ZNF407: variants seen among roughly 807,000 people sequenced by gnomAD.
ZNF407 encodes the protein zinc finger protein 407.
A neutral mutation model predicts 131.2 loss-of-function variants in ZNF407; 17 were observed. The ratio of observed to expected loss-of-function variants is 0.13; its 90% CI spans 0.09 to 0.19. The LOEUF is 0.19. Among genes scored for constraint, ZNF407 ranks in the 10% least tolerant of loss-of-function variants. The pLI, the probability that ZNF407 is intolerant of heterozygous loss-of-function variation, is 1.00. For missense variants in ZNF407, 2,681 were observed against 2,830.6 expected, an observed-to-expected ratio of 0.95 and a Z score of 1.20; for synonymous variants, 1,156 against 1,062.0, an observed-to-expected ratio of 1.09 and a Z score of -1.72.
chr18:74,976,885 TC>T (rs1355825506), intron 8 of ZNF407, among the ~76,000 whole-genome samples: 1 of 148,372 alleles, frequency 6.7e-6, no homozygotes, highest in Non-Finnish European at 1.5e-5. Flanking sequence ...TCGAGAATTT[TC>T]CCCTGATCTA....
Position 74,799,383 on chromosome 18 carries a change from C to T in ZNF407, c.4877+17881C>T, listed in dbSNP as rs374664206. Among the ~76,000 whole-genome samples the T allele has an allele frequency of 6.7e-4, 102 of 152,082 alleles. 4 individuals are homozygous for T. The South Asian group carries it at 0.02, about 30-fold the overall frequency. Reference sequence around the variant, plus strand: ...TGAATTAATCTTGCAGTACAGGATCCCTTGAGAGAATTCCTGCCCTTGACA... The same window carrying T: ...TGAATTAATCTTGCAGTACAGGATCTCTTGAGAGAATTCCTGCCCTTGACA... On this transcript the variant is annotated intron_variant, in intron 4 of 8. Transcript: ENST00000299687.
intron 4 of ZNF407, among the ~76,000 whole-genome samples, chr18:74,845,910 A>G (rs1970696338): frequency 1.3e-5 from 2 of 151,710 alleles, no homozygotes; most frequent in Admixed American, 6.6e-5. Flanking sequence ...TTAATATAGG[A>G]AAAAAAAATC....
At chr18:74,746,349 T>C (rs1968668235) in intron 3 of ZNF407, among the ~76,000 whole-genome samples, 1 of 152,146 alleles carries the variant, frequency 6.6e-6, no homozygotes, top group Non-Finnish European at 1.5e-5. Flanking sequence ...TCACTTAGGC[T>C]ACACTAAATT....
chr18:74,752,911 G>T (rs1968840790), intron 3 of ZNF407, among the ~76,000 whole-genome samples: 1 of 152,186 alleles, frequency 6.6e-6, no homozygotes, highest in Non-Finnish European at 1.5e-5. Flanking sequence ...ATTCTGTGAA[G>T]AAAGTCATTG....
At chr18:74,711,192 A>G (rs748664571) in intron 3 of ZNF407, among the ~76,000 whole-genome samples, 10 of 152,098 alleles carry the variant, frequency 6.6e-5, no homozygotes, top group Non-Finnish European at 1.3e-4. Flanking sequence ...TCCAGTTTTA[A>G]TCTTGGTTAT....
chr18:74,606,412 T>C (rs997783256), intron 1 of ZNF407, among the ~76,000 whole-genome samples: 6 of 152,128 alleles, frequency 3.9e-5, no homozygotes, highest in African/African-American at 1.4e-4. Flanking sequence ...TCAAAAAATA[T>C]ATTTTAAATA....
chr18:74,675,728 C>T (rs1340591561), intron 3 of ZNF407, among the ~76,000 whole-genome samples: 5 of 152,074 alleles, frequency 3.3e-5, no homozygotes, highest in Admixed American at 3.3e-4. Flanking sequence ...GCAATTACAC[C>T]ATTATCCTTG....
intron 3 of ZNF407, 146 bp from the exon 4 acceptor site, chr18:74,781,282 T>C: frequency 1.8e-6 from 1 of 558,674 alleles, no homozygotes; most frequent in Non-Finnish European, 3.1e-6. Context: ...TTAATCTGTA[T>C]GCAAGCTTTG....
chr18:74,991,311 G>GC (rs1215423667), intron 8 of ZNF407, among the ~76,000 whole-genome samples: 1 of 152,174 alleles, frequency 6.6e-6, no homozygotes, highest in Non-Finnish European at 1.5e-5. Context: ...TAACAGCAGT[G>GC]CCTTGCAAGA....
chr18:74,791,445 G>A (rs1366453908), intron 4 of ZNF407, among the ~76,000 whole-genome samples: 2 of 152,086 alleles, frequency 1.3e-5, no homozygotes, highest in East Asian at 1.9e-4. Context: ...CTTAGACATA[G>A]CATTGGGCAG....
intron 4 of ZNF407, among the ~76,000 whole-genome samples, chr18:74,858,397 T>C (rs1169877290): frequency 6.6e-6 from 1 of 152,192 alleles, no homozygotes; most frequent in Non-Finnish European, 1.5e-5. Context: ...ATTGTATTTA[T>C]AGAAAGCATC....
At chr18:74,899,436 C>T (rs1971494344) in intron 7 of ZNF407, among the ~76,000 whole-genome samples, 1 of 152,100 alleles carries the variant, frequency 6.6e-6, no homozygotes, top group Non-Finnish European at 1.5e-5. Context: ...CTGGTCAGGG[C>T]TGCTGGGTGA....
intron 3 of ZNF407, among the ~76,000 whole-genome samples, chr18:74,681,176 A>G (rs1280856833): frequency 6.6e-6 from 1 of 152,126 alleles, no homozygotes; most frequent in Non-Finnish European, 1.5e-5. Flanking sequence ...CCCCTAAGGT[A>G]AAGATGACAG....
At chr18:74,993,897 C>T (rs929008936) in intron 8 of ZNF407, among the ~76,000 whole-genome samples, 3 of 152,104 alleles carry the variant, frequency 2.0e-5, no homozygotes, top group Non-Finnish European at 4.4e-5. Context: ...AAATGACTGG[C>T]GTGTATTTTA....
At position 75,063,637 on chromosome 18, in the gene ZNF407, T is replaced by C; in HGVS notation, c.5916T>C (p.Ile1972=). The change falls in exon 9 of 9, where the codon ATT becomes ATC. Residue 1972 remains isoleucine, a synonymous_variant. Transcript: ENST00000299687. The surrounding 1 kb of genome is among the most constrained non-coding windows in gnomAD (Gnocchi z 6.6). ...AVIQQVTKQE[I]LNLSEAGVAP... ...TACAACAGGTGACCAAGCAGGAGAT[T>C]TTAAACCTCTCGGAGGCTGGAGTCG... 6.3e-7 allele frequency: 1 copy of C among 1,594,820 alleles called. No homozygotes were observed. Among genetic ancestry groups the C allele is most frequent in the East Asian group, 2.3e-5 (1 of 43,970 alleles).
At chr18:74,976,692 A>G (rs1173091889) in intron 8 of ZNF407, among the ~76,000 whole-genome samples, 2 of 152,200 alleles carry the variant, frequency 1.3e-5, no homozygotes, top group African/African-American at 4.8e-5. Context: ...TGTTCTGCCA[A>G]TAGCTTTCAG....
chr18:74,951,530 C>CT (rs1972214430), intron 8 of ZNF407, among the ~76,000 whole-genome samples: 2 of 152,154 alleles, frequency 1.3e-5, no homozygotes, highest in South Asian at 4.1e-4. Flanking sequence ...GATTGCATGC[C>CT]TTTGACACAC....
intron 7 of ZNF407, among the ~76,000 whole-genome samples, chr18:74,895,265 A>T (rs1971439041): frequency 6.6e-6 from 1 of 150,626 alleles, no homozygotes; most frequent in South Asian, 2.1e-4. Context: ...TTCAAGTAAT[A>T]TTGTAACTCA....
intron 8 of ZNF407, among the ~76,000 whole-genome samples, chr18:75,004,428 G>A (rs1314466973): frequency 2.0e-5 from 3 of 152,202 alleles, no homozygotes; most frequent in African/African-American, 7.2e-5. Flanking sequence ...CTGTTGCGGG[G>A]GAGACAAGCC....
Sources: gnomAD v4.1 joint callset for allele counts (sites outside exome capture counted in the v4.1 genomes callset) on GRCh38, gnomAD v4.1.1 for gene constraint, Gnocchi (gnomAD v3.1) non-coding constraint, MANE v1.5 for transcripts, NCBI Gene and HGNC (gene_info 2026-07-23, HGNC 2026-07-21) for gene names.